GRM7: variants seen among roughly 807,000 people sequenced by gnomAD.
GRM7 encodes glutamate metabotropic receptor 7.
In GRM7, 35 loss-of-function variants were observed where a neutral mutation model predicts 84.5. The ratio of observed to expected loss-of-function variants is 0.41; its 90% CI spans 0.32 to 0.55. The LOEUF is 0.55. Ranked by LOEUF, GRM7 falls within the 20% of genes least tolerant of loss-of-function variation. The probability of loss-of-function intolerance (pLI) is 0.19; values close to 1 mark genes in which losing one functional copy is unlikely to be tolerated. For synonymous variants in GRM7, 487 were observed against 455.1 expected (o/e 1.07, Z -0.89); for missense variants, 1,003 against 1,194.6 (o/e 0.84, Z 2.36).
chr3:7,645,365 G>A (rs1026188210), intron 8 of GRM7, among the ~76,000 whole-genome samples: 8 of 151,820 alleles, frequency 5.3e-5, no homozygotes, highest in East Asian at 2.0e-4. Context: ...TGGCCAACAT[G>A]GTGAAACCCC....
intron 1 of GRM7, among the ~76,000 whole-genome samples, chr3:6,914,822 A>G (rs1226567335): frequency 2.0e-5 from 3 of 152,152 alleles, no homozygotes; most frequent in African/African-American, 4.8e-5. Context: ...TGTTCAATAA[A>G]GTTGACTTCA....
chr3:7,362,028 A>G (rs2125106150), intron 4 of GRM7, among the ~76,000 whole-genome samples: 1 of 152,230 alleles, frequency 6.6e-6, no homozygotes, highest in South Asian at 2.1e-4. Context: ...AATGTTTAAT[A>G]ACTGGGTTAT....
intron 4 of GRM7, among the ~76,000 whole-genome samples, chr3:7,401,917 G>A (rs965607455): frequency 6.6e-5 from 10 of 152,164 alleles, no homozygotes; most frequent in African/African-American, 2.4e-4. Context: ...AAAAGGAGGG[G>A]TGTTGATTTA....
At chr3:7,081,143 A>G (rs1698262756) in intron 1 of GRM7, among the ~76,000 whole-genome samples, 1 of 152,068 alleles carries the variant, frequency 6.6e-6, no homozygotes, top group East Asian at 1.9e-4. Flanking sequence ...AAGTACAGGC[A>G]TACCTTGTTT....
intron 2 of GRM7, among the ~76,000 whole-genome samples, chr3:7,252,375 C>T (rs1351379430): frequency 6.6e-6 from 1 of 152,150 alleles, no homozygotes; most frequent in Non-Finnish European, 1.5e-5. Flanking sequence ...GAAGACCATC[C>T]AAAATAGAGT....
At chr3:7,610,581 A>G (rs539829000) in intron 8 of GRM7, among the ~76,000 whole-genome samples, 32 of 152,294 alleles carry the variant, frequency 2.1e-4, no homozygotes, top group African/African-American at 7.2e-4. Context: ...TTCCATGGAT[A>G]ATTCACCTAA....
Position 6,861,837 on chromosome 3 carries a change from T to C in GRM7, c.449T>C (p.Val150Ala). Residue 150 changes from valine (V) to alanine (A), a missense_variant, in exon 1 of 10, where the codon GTA becomes GCA. Physicochemically the swap from Val to Ala is moderately conservative, Grantham distance 64. This residue lies in a region of GRM7 where 910 missense variants were observed against 1,126.0 expected (regional missense o/e 0.81). Transcript: ENST00000357716. This position sits in a 1 kb window ranked among gnomAD's most constrained non-coding sequence, Gnocchi z 6.4. ...CCGGTTTTCGTCAAGCCGGAGAAAG[T>C]AGTTGGAGTGATTGGGGCTTCGGGG... ...EPPVFVKPEKVVGVIGASGSS... is the reference protein window; with the variant it reads ...EPPVFVKPEKAVGVIGASGSS... 4 of 1,614,038 alleles carry C rather than the reference T, an allele frequency of 2.5e-6. No individual in the cohort carries two copies. Among genetic ancestry groups the C allele is most frequent in the African/African-American group, 1.3e-5 (1 of 75,042 alleles).
intron 1 of GRM7, among the ~76,000 whole-genome samples, chr3:7,011,233 C>T (rs1210365788): frequency 6.6e-6 from 1 of 152,130 alleles, no homozygotes; most frequent in Non-Finnish European, 1.5e-5. Flanking sequence ...CTGGCACATA[C>T]ATTAATGTTA....
At chr3:7,077,215 A>C (rs1480943993) in intron 1 of GRM7, among the ~76,000 whole-genome samples, 2 of 152,172 alleles carry the variant, frequency 1.3e-5, no homozygotes, top group Admixed American at 6.5e-5. Flanking sequence ...CAGCAATCCC[A>C]TTACTGGGTG....
At chr3:7,706,202 C>T (rs1701381496) in intron 9 of GRM7, among the ~76,000 whole-genome samples, 1 of 152,176 alleles carries the variant, frequency 6.6e-6, no homozygotes, top group African/African-American at 2.4e-5. Flanking sequence ...TTTATAGAGC[C>T]ATATTGCCCA....
chr3:7,350,711 T>A lies in GRM7; in HGVS notation c.1033+44059T>A, dbSNP rs1036576586. On this transcript the variant is annotated intron_variant, in intron 4 of 9. Transcript: ENST00000357716. ...ACTATATATTACTTTGGATCTTTTT[T>A]TCTCCTCCTTTTAGTGAAACTTGGT... Among the ~76,000 whole-genome samples, 4 of 152,304 alleles carry A rather than the reference T, an allele frequency of 2.6e-5. No homozygotes were observed. The South Asian group carries it at 6.2e-4, about 24-fold the overall frequency.
chr3:7,289,837 A>G (rs558001387), intron 2 of GRM7, among the ~76,000 whole-genome samples: 25 of 135,082 alleles, frequency 1.9e-4, no homozygotes, highest in African/African-American at 5.0e-4. Flanking sequence ...GAAGGGGAAC[A>G]TCACACACCA....
At chr3:7,614,515 C>T (rs929444869) in intron 8 of GRM7, among the ~76,000 whole-genome samples, 1 of 152,088 alleles carries the variant, frequency 6.6e-6, no homozygotes, top group Non-Finnish European at 1.5e-5. Flanking sequence ...CAACTGTGTT[C>T]TTCTACTTAA....
At chr3:7,505,376 A>G (rs778334422) in intron 7 of GRM7, among the ~76,000 whole-genome samples, 18 of 152,190 alleles carry the variant, frequency 1.2e-4, no homozygotes, top group Non-Finnish European at 2.1e-4. Context: ...CCCTGACCCT[A>G]TGGCTTTACT....
chr3:7,380,509 C>T (rs1207442177), intron 4 of GRM7, among the ~76,000 whole-genome samples: 1 of 152,144 alleles, frequency 6.6e-6, no homozygotes, highest in Non-Finnish European at 1.5e-5. Context: ...CACATTTATT[C>T]TCTCTCAACC....
chr3:7,554,902 G>C (rs187233928), intron 7 of GRM7, among the ~76,000 whole-genome samples: 2 of 152,320 alleles, frequency 1.3e-5, no homozygotes, highest in Admixed American at 1.3e-4. Flanking sequence ...GTCTAAAATA[G>C]AGTCCCAAGT....
In GRM7 at chr3:6,874,647, G is replaced by T. The variant is rs920792260; in HGVS notation, c.519+12740G>T. Among the ~76,000 whole-genome samples, 5 of 152,180 alleles carry T rather than the reference G, an allele frequency of 3.3e-5. No individual in the cohort carries two copies. The East Asian group carries it at 9.6e-4, about 29-fold the overall frequency. ...AGAGAGACGGAGCTAGGATATTCAA[G>T]CCCCTGTCTCTCTGACTTCATGAAC... On this transcript the variant is annotated intron_variant, in intron 1 of 9. Coordinates refer to ENST00000357716, the MANE Select transcript of GRM7 (RefSeq NM_000844.4).
intron 7 of GRM7, among the ~76,000 whole-genome samples, chr3:7,530,303 A>G (rs1200391979): frequency 6.6e-6 from 1 of 152,040 alleles, no homozygotes; most frequent in Non-Finnish European, 1.5e-5. Context: ...AGTATTCCCT[A>G]TGTTGTATAT....
chr3:7,213,397 G>C (rs559525699), intron 2 of GRM7, among the ~76,000 whole-genome samples: 1 of 152,246 alleles, frequency 6.6e-6, no homozygotes, highest in South Asian at 2.1e-4. Flanking sequence ...TTAAGAGGTA[G>C]TAAGGCCCTT....
Sources: allele counts gnomAD v4.1 joint callset (sites outside exome capture counted in the v4.1 genomes callset), GRCh38; gene constraint gnomAD v4.1.1; regional missense constraint gnomAD v4.1.1; non-coding constraint Gnocchi (gnomAD v3.1); transcripts MANE v1.5; gene names NCBI Gene and HGNC (gene_info 2026-07-23, HGNC 2026-07-21).